Variants in SMAD6 observed in about 807,000 individuals in gnomAD.
SMAD6 encodes the protein SMAD family member 6.
A neutral mutation model predicts 39.4 loss-of-function variants in SMAD6; 103 were observed. The observed-to-expected ratio is 2.62, with a 90% CI of 2.23 to 3.08. SMAD6 has a LOEUF of 3.08. Among genes scored for constraint, SMAD6 ranks in the 30% most tolerant of loss-of-function variants. The pLI is 0.00. For synonymous variants in SMAD6, 445 were observed against 353.3 expected, an observed-to-expected ratio of 1.26 and a Z score of -2.91; for missense variants, 1,104 against 742.9, an observed-to-expected ratio of 1.49 and a Z score of -5.65.
chr15:66,715,977 C>G (rs779517001), intron 2 of SMAD6, among the ~76,000 whole-genome samples: 1 of 151,154 alleles, frequency 6.6e-6, no homozygotes, highest in African/African-American at 2.4e-5. Context: ...CCAGCCCTAG[C>G]GGGAGGGAGG....
At chr15:66,772,571 G>A (rs987602655) in intron 3 of SMAD6, among the ~76,000 whole-genome samples, 7 of 152,156 alleles carry the variant, frequency 4.6e-5, no homozygotes, top group Non-Finnish European at 8.8e-5. Flanking sequence ...CTGCATGATA[G>A]TAATAATATT....
rs538591211 is a variant in SMAD6 at position 66,755,320 on chromosome 15, G to A, written c.953-25677G>A. Among the ~76,000 whole-genome samples, 21 of 152,314 alleles carry A rather than the reference G, an allele frequency of 1.4e-4. No individual in the cohort carries two copies. In the East Asian group the frequency reaches 1.5e-3, roughly 11 times the overall value. ...TCATGGACTCACAGGCCCAGCCAGC[G>A]TGGTAGGCTGGCTTTACATTGATCT... On this transcript the variant is annotated intron_variant, in intron 3 of 3. Transcript: ENST00000288840.
rs541992876 is a variant in SMAD6, at chr15:66,778,574, C to G, written c.953-2423C>G. Among the ~76,000 whole-genome samples the G allele has an allele frequency of 2.9e-4, 44 of 152,268 alleles. No homozygotes were observed. The South Asian group carries it at 9.2e-3, about 32-fold the overall frequency. On this transcript the variant is annotated intron_variant, in intron 3 of 3. Coordinates refer to ENST00000288840, the MANE Select transcript of SMAD6 (RefSeq NM_005585.5). ...CCTCCAAGAGTGGGGATAGTGACACCTCAGCTTGTAAATAGTAACCTCTAG... is the reference window on the plus strand; with the variant it reads ...CCTCCAAGAGTGGGGATAGTGACACGTCAGCTTGTAAATAGTAACCTCTAG...
In SMAD6 at chr15:66,703,227, T is replaced by A; in HGVS notation, c.-32T>A. The A allele has an allele frequency of 7.5e-7, 1 of 1,339,180 alleles. No homozygotes were observed. The allele number at this position is 1,339,180 out of a possible 1,614,324, so 83.0% of individuals were successfully genotyped here. On this transcript the variant is annotated 5_prime_UTR_variant, in exon 1 of 4. Transcript: ENST00000288840. ...GGACCCCCGGTAACCGGAGACCGCCTCCCCCCCACCCCTGGCGCCAAAGGA... is the reference window on the plus strand; with the variant it reads ...GGACCCCCGGTAACCGGAGACCGCCACCCCCCCACCCCTGGCGCCAAAGGA...
chr15:66,733,863 A>G (rs186069140), intron 3 of SMAD6, among the ~76,000 whole-genome samples: 3 of 152,306 alleles, frequency 2.0e-5, no homozygotes, highest in Admixed American at 2.0e-4. Flanking sequence ...TTGGGCACTG[A>G]TGTTCACATA....
intron 1 of SMAD6, 55 bp from the exon 2 acceptor site, chr15:66,711,613 C>G: frequency 7.5e-7 from 1 of 1,325,474 alleles, no homozygotes; most frequent in Non-Finnish European, 1.1e-6. Context: ...GCATGTAGAA[C>G]CTGAGGTGTG....
rs185248004 is a variant in SMAD6 at position 66,782,402 on chromosome 15, G to T, written c.*867G>T. Reference sequence around the variant, plus strand: ...GGAAATGGCCTGGGGAACAAAGACTGAAATGGGCCTTGAGCCCACCTGCTA... The same window carrying T: ...GGAAATGGCCTGGGGAACAAAGACTTAAATGGGCCTTGAGCCCACCTGCTA... On this transcript the variant is annotated 3_prime_UTR_variant, in exon 4 of 4. Coordinates refer to ENST00000288840, the MANE Select transcript of SMAD6 (RefSeq NM_005585.5). 1.3e-5 allele frequency: 2 copies of T among 152,732 alleles called. No homozygotes were observed. Among genetic ancestry groups the T allele is most frequent in the East Asian group, 3.9e-4 (2 of 5,186 alleles). 9.5% of individuals were successfully genotyped at this position (152,732 alleles called of 1,614,324 possible).
intron 3 of SMAD6, among the ~76,000 whole-genome samples, chr15:66,779,340 ACT>A (rs1381287131): frequency 3.3e-5 from 5 of 151,942 alleles, no homozygotes; most frequent in East Asian, 1.9e-4. Flanking sequence ...CTCACTGGAG[ACT>A]CTGAGGCAAA....
At position 66,703,945 on chromosome 15, in the gene SMAD6, CTT is replaced by C; in HGVS notation, c.689_690del (p.Phe230SerfsTer72). The C allele has an allele frequency of 2.2e-6, 3 of 1,390,276 alleles. No homozygotes were observed. The highest frequency in any genetic ancestry group is 2.8e-6 in the Non-Finnish European group (3 of 1,069,988). 86.1% of individuals were successfully genotyped at this position (1,390,276 alleles called of 1,614,324 possible). A position where few individuals can be genotyped will look rare whatever the true frequency, so the allele number is the denominator to read the frequency against. ...CGCCGCAGCTGCTGCTCGGCCGCCT[CTT>C]TCGCTGGCCCGACCTGCAGCACGCC... ...APPQLLLGRL[F>X]RWPDLQHAVE... On this transcript the variant is annotated frameshift_variant, in exon 1 of 4. Transcript: ENST00000288840. LOFTEE classifies it high-confidence loss of function.
At chr15:66,729,881 C>T (rs1369838539) in intron 3 of SMAD6, among the ~76,000 whole-genome samples, 2 of 152,212 alleles carry the variant, frequency 1.3e-5, no homozygotes, top group African/African-American at 4.8e-5. Flanking sequence ...TCGCTGAGCC[C>T]TCTGCTCCAG....
At chr15:66,767,241 C>G (rs1894303709) in intron 3 of SMAD6, among the ~76,000 whole-genome samples, 1 of 152,200 alleles carries the variant, frequency 6.6e-6, no homozygotes, top group Non-Finnish European at 1.5e-5. Flanking sequence ...GGAAACCTTC[C>G]ACAGTTCAAA....
chr15:66,773,702 G>C (rs962291443), intron 3 of SMAD6, among the ~76,000 whole-genome samples: 3 of 152,164 alleles, frequency 2.0e-5, no homozygotes, highest in Non-Finnish European at 4.4e-5. Flanking sequence ...GAGTTTTCCA[G>C]GAGGGCAGGA....
chr15:66,753,868 G>A (rs977226209), intron 3 of SMAD6, among the ~76,000 whole-genome samples: 1 of 152,200 alleles, frequency 6.6e-6, no homozygotes, highest in African/African-American at 2.4e-5. Flanking sequence ...TGGATGACTC[G>A]GGTTTCATTT....
chr15:66,767,772 A>G (rs571371579), intron 3 of SMAD6, among the ~76,000 whole-genome samples: 1 of 152,312 alleles, frequency 6.6e-6, no homozygotes, highest in East Asian at 1.9e-4. Flanking sequence ...AACACACAAG[A>G]ATGATCGAGG....
At chr15:66,736,369 G>A (rs998627975) in intron 3 of SMAD6, among the ~76,000 whole-genome samples, 1 of 152,158 alleles carries the variant, frequency 6.6e-6, no homozygotes, top group African/African-American at 2.4e-5. Context: ...TTTTAACTGG[G>A]CGTCCTATAT....
chr15:66,763,251 C>G (rs1368360163), intron 3 of SMAD6, among the ~76,000 whole-genome samples: 1 of 152,166 alleles, frequency 6.6e-6, no homozygotes, highest in Non-Finnish European at 1.5e-5. Context: ...GTGCTCTGCA[C>G]TCCTCAGGGT....
intron 1 of SMAD6, among the ~76,000 whole-genome samples, chr15:66,709,427 C>G (rs899175326): frequency 6.6e-6 from 1 of 152,216 alleles, no homozygotes; most frequent in Admixed American, 6.5e-5. Context: ...CCAGGTGGGA[C>G]TTCATGAGCC....
Position 66,703,536 on chromosome 15 carries a change from T to C in SMAD6, c.278T>C (p.Met93Thr), listed in dbSNP as rs985309653. ...CGCGCAGGGGGCCCCCCGAGGCCCA[T>C]GTCGGAGCCAGGGGCCGGCGCTGGG... ...RRRAGGPPRP[M>T]SEPGAGAGSS... is the part of the protein sequence containing the mutation. The change falls in exon 1 of 4, where the codon ATG (methionine) becomes ACG (threonine). Residue 93 changes from methionine (M) to threonine (T), a missense_variant. Transcript: ENST00000288840. 4.1e-5 allele frequency: 50 copies of C among 1,221,034 alleles called. No homozygotes were observed. The highest frequency in any genetic ancestry group is 4.8e-5 in the Non-Finnish European group (47 of 978,810). 75.6% of individuals were successfully genotyped at this position (1,221,034 alleles called of 1,614,324 possible).
At chr15:66,737,479 C>T (rs1356518248) in intron 3 of SMAD6, among the ~76,000 whole-genome samples, 2 of 152,124 alleles carry the variant, frequency 1.3e-5, no homozygotes, top group African/African-American at 4.8e-5. Flanking sequence ...CCACCTCCGA[C>T]GGTAGTGCCT....
Sources: gnomAD v4.1 joint callset for allele counts (sites outside exome capture counted in the v4.1 genomes callset) on GRCh38, gnomAD v4.1.1 for gene constraint, MANE v1.5 for transcripts, NCBI Gene and HGNC (gene_info 2026-07-23, HGNC 2026-07-21) for gene names.